TMTC1: variants seen among roughly 807,000 people sequenced by gnomAD.
TMTC1 encodes transmembrane O-mannosyltransferase targeting cadherins 1.
TMTC1 carries 73 observed loss-of-function variants against 104.8 expected under a neutral mutation model. The ratio of observed to expected loss-of-function variants is 0.70; its 90% CI spans 0.58 to 0.85. The LOEUF (loss-of-function observed/expected upper bound fraction) is 0.85. TMTC1 is among the 40% of genes least tolerant of loss of function. The pLI, the probability that TMTC1 is intolerant of heterozygous loss-of-function variation, is 0.00. For synonymous variants in TMTC1, 434 were observed against 428.7 expected, an observed-to-expected ratio of 1.01 and a Z score of -0.15; for missense variants, 1,035 against 1,096.1, an observed-to-expected ratio of 0.94 and a Z score of 0.79.
intron 10 of TMTC1, among the ~76,000 whole-genome samples, chr12:29,549,459 T>C (rs1215730646): frequency 6.6e-6 from 1 of 152,076 alleles, no homozygotes; most frequent in Non-Finnish European, 1.5e-5. Context: ...TGGGAATAAT[T>C]ATAAGAGCAC....
At chr12:29,706,419 A>G (rs7312849) in intron 5 of TMTC1, among the ~76,000 whole-genome samples, 30,307 of 152,150 alleles carry the variant, frequency 0.2, 3,493 homozygotes, top group Non-Finnish European at 0.27. Context: ...CTGCCTAACC[A>G]TTGCACGCTC....
intron 5 of TMTC1, among the ~76,000 whole-genome samples, chr12:29,667,084 C>T (rs575514819): frequency 6.6e-6 from 1 of 152,214 alleles, no homozygotes; most frequent in East Asian, 1.9e-4. Flanking sequence ...AAAGCAAAAG[C>T]TTAACAAAAA....
chr12:29,647,084 G>A (rs529006164), intron 5 of TMTC1, among the ~76,000 whole-genome samples: 3 of 152,244 alleles, frequency 2.0e-5, no homozygotes, highest in South Asian at 4.1e-4. Flanking sequence ...GTACAGTGGC[G>A]CAATCTCGGC....
At chr12:29,666,724 C>T (rs1591894276) in intron 5 of TMTC1, among the ~76,000 whole-genome samples, 1 of 152,084 alleles carries the variant, frequency 6.6e-6, no homozygotes, top group East Asian at 1.9e-4. Context: ...TTAGTCTTTC[C>T]AGCTGTTCTC....
chr12:29,612,098 G>A (rs1043750725), intron 6 of TMTC1, among the ~76,000 whole-genome samples: 20 of 152,222 alleles, frequency 1.3e-4, no homozygotes, highest in African/African-American at 4.8e-4. Flanking sequence ...CACAGTCCAC[G>A]TGGCTTTGGT....
intron 5 of TMTC1, among the ~76,000 whole-genome samples, chr12:29,724,269 G>C (rs1396917675): frequency 6.6e-6 from 1 of 152,184 alleles, no homozygotes; most frequent in Non-Finnish European, 1.5e-5. Flanking sequence ...CAGGAGCCTG[G>C]AGCATCATGA....
rs772338068 is a variant in TMTC1, at chr12:29,626,697, GA to G, written c.1128+6449del. On this transcript the variant is annotated intron_variant, in intron 6 of 17. Transcript: ENST00000539277. ...AGCTAAAACCACAAAACTCTTAGAA[GA>G]AAACAGTCATAAATCTTCATGACCT... Among the ~76,000 whole-genome samples, 361 of 152,248 alleles carry G rather than the reference GA, an allele frequency of 2.4e-3. 11 individuals are homozygous for G. The highest frequency in any genetic ancestry group is 1.2e-3 in the Non-Finnish European group (79 of 68,022).
At chr12:29,588,017 G>A (rs527273386) in intron 7 of TMTC1, among the ~76,000 whole-genome samples, 1 of 152,158 alleles carries the variant, frequency 6.6e-6, no homozygotes, top group South Asian at 2.1e-4. Context: ...GAGACCCTGG[G>A]AATGAAGTTG....
chr12:29,774,498 G>T (rs1224257116), intron 1 of TMTC1, among the ~76,000 whole-genome samples: 1 of 152,232 alleles, frequency 6.6e-6, no homozygotes, highest in Non-Finnish European at 1.5e-5. Context: ...TCTGTTTCTG[G>T]TGTCTCCAGT....
chr12:29,612,016 T>C (rs114486111), intron 6 of TMTC1, among the ~76,000 whole-genome samples: 1,685 of 152,294 alleles, frequency 0.011, 31 homozygotes, highest in African/African-American at 0.038. Flanking sequence ...AGACTTCTCT[T>C]AGTTGATCCA....
At chr12:29,621,795 A>C (rs568862313) in intron 6 of TMTC1, among the ~76,000 whole-genome samples, 2 of 152,248 alleles carry the variant, frequency 1.3e-5, no homozygotes, top group South Asian at 2.1e-4. Context: ...CAAAGTGAGG[A>C]TGAGAACAGG....
intron 5 of TMTC1, among the ~76,000 whole-genome samples, chr12:29,701,780 G>A (rs76097319): frequency 0.011 from 1,687 of 152,266 alleles, 30 homozygotes; most frequent in African/African-American, 0.037. Context: ...CATGGTATGA[G>A]GTAGTAGCCT....
intron 5 of TMTC1, among the ~76,000 whole-genome samples, chr12:29,698,855 A>G (rs1477106783): frequency 6.6e-6 from 1 of 152,246 alleles, no homozygotes; most frequent in African/African-American, 2.4e-5. Context: ...AAATGGGGAA[A>G]GAGGGGGTTA....
intron 5 of TMTC1, among the ~76,000 whole-genome samples, chr12:29,728,018 C>T (rs1271052235): frequency 2.6e-5 from 4 of 152,122 alleles, no homozygotes; most frequent in East Asian, 1.9e-4. Flanking sequence ...GTATCTTCTG[C>T]GCGCCCAATA....
intron 5 of TMTC1, among the ~76,000 whole-genome samples, chr12:29,729,907 G>A (rs1253050812): frequency 2.0e-5 from 3 of 152,214 alleles, no homozygotes; most frequent in Non-Finnish European, 4.4e-5. Flanking sequence ...GTACAGAGCA[G>A]ATGCCCTTCT....
At position 29,580,704 on chromosome 12, in the gene TMTC1, G is replaced by A. The variant is rs548909394; in HGVS notation, c.1418+2703C>T. 1.1e-4 allele frequency among the ~76,000 whole-genome samples: 16 copies of A among 152,180 alleles called. No individual in the cohort carries two copies. The East Asian group carries it at 2.3e-3, about 22-fold the overall frequency. On this transcript the variant is annotated intron_variant, in intron 8 of 17. Transcript: ENST00000539277. ...GCTGGCTCCTGTTTTGGGCCATTACGGCTAATTTAGGTTTTTCTCCTCTTT... is the reference window on the plus strand; with the variant it reads ...GCTGGCTCCTGTTTTGGGCCATTACAGCTAATTTAGGTTTTTCTCCTCTTT...
rs184829457 is a variant in TMTC1 at position 29,737,380 on chromosome 12, T to C, written c.938+14286A>G. On this transcript the variant is annotated intron_variant, in intron 5 of 17. Coordinates refer to ENST00000539277, the MANE Select transcript of TMTC1 (RefSeq NM_001193451.2). ...CTAAAAATACGAAATTAGCTGGGCC[T>C]GGTGGCGCATGCCTGTAATCCCAGC... Among the ~76,000 whole-genome samples the C allele has an allele frequency of 1.3e-4, 20 of 152,284 alleles. No homozygotes were observed. In the East Asian group the frequency reaches 3.9e-3, roughly 29 times the overall value.
intron 9 of TMTC1, among the ~76,000 whole-genome samples, chr12:29,566,451 G>A (rs1185740186): frequency 6.6e-6 from 1 of 152,156 alleles, no homozygotes; most frequent in Non-Finnish European, 1.5e-5. Context: ...AGATTGCTGT[G>A]AGTGGGGCTC....
chr12:29,669,998 G>A (rs553040413), intron 5 of TMTC1, among the ~76,000 whole-genome samples: 3 of 152,186 alleles, frequency 2.0e-5, no homozygotes, highest in Admixed American at 6.5e-5. Flanking sequence ...TCTCCTCTCT[G>A]ACCACACATT....
Sources: gnomAD v4.1 joint callset for allele counts (sites outside exome capture counted in the v4.1 genomes callset) on GRCh38, gnomAD v4.1.1 for gene constraint, MANE v1.5 for transcripts, NCBI Gene and HGNC (gene_info 2026-07-23, HGNC 2026-07-21) for gene names.